DNAJB6: variants seen among roughly 807,000 people sequenced by gnomAD.
DNAJB6 encodes the protein dnaJ homolog subfamily B member 6.
A neutral mutation model predicts 42.7 loss-of-function variants in DNAJB6; 16 were observed. That is an observed-to-expected ratio of 0.37 (90% CI 0.25 to 0.57). DNAJB6 has a LOEUF of 0.57. Among genes scored for constraint, DNAJB6 ranks in the 20% least tolerant of loss-of-function variants. The pLI is 0.74. For synonymous variants in DNAJB6, 170 were observed against 163.5 expected, an observed-to-expected ratio of 1.04 and a Z score of -0.30; for missense variants, 347 against 416.8, an observed-to-expected ratio of 0.83 and a Z score of 1.46.
chr7:157,359,336 T>C (rs1799462538), intron 2 of DNAJB6, among the ~76,000 whole-genome samples: 1 of 152,228 alleles, frequency 6.6e-6, no homozygotes, highest in African/African-American at 2.4e-5. Flanking sequence ...GGTCTGAAGA[T>C]AGAATTAACT....
chr7:157,341,607 A>G (rs894153317), intron 1 of DNAJB6, among the ~76,000 whole-genome samples: 4 of 152,282 alleles, frequency 2.6e-5, no homozygotes, highest in South Asian at 2.1e-4. Flanking sequence ...TCTAGTTGGT[A>G]TGCTTATGAA....
chr7:157,401,153 C>G (rs1200198348), intron 8 of DNAJB6, among the ~76,000 whole-genome samples: 1 of 152,210 alleles, frequency 6.6e-6, no homozygotes, highest in Non-Finnish European at 1.5e-5. Context: ...GCTCCTCCTC[C>G]TGTATCAAAG....
intron 7 of DNAJB6, 93 bp downstream of exon 7, chr7:157,385,101 G>A: frequency 1.5e-6 from 2 of 1,300,410 alleles, no homozygotes; most frequent in Admixed American, 2.3e-5. Flanking sequence ...TGAAGTAGAG[G>A]TTGTTGTATG....
chr7:157,339,601 TTG>T (rs59577692), intron 1 of DNAJB6, among the ~76,000 whole-genome samples: 9,087 of 122,166 alleles, frequency 0.074, 325 homozygotes, highest in South Asian at 0.11. Context: ...GCCCGGCCTT[TTG>T]TGTGTGTGTG....
chr7:157,355,246 G>A (rs185326567), intron 1 of DNAJB6, among the ~76,000 whole-genome samples: 1,581 of 152,292 alleles, frequency 0.01, 22 homozygotes, highest in African/African-American at 0.036. Context: ...TGCAGGCTCC[G>A]CCTCCCGGGG....
At chr7:157,402,121 CGTT>C (rs748796604) in intron 8 of DNAJB6, among the ~76,000 whole-genome samples, 3 of 152,194 alleles carry the variant, frequency 2.0e-5, no homozygotes, top group Non-Finnish European at 4.4e-5. Context: ...GTTTCATCCT[CGTT>C]GTATTTTCTT....
rs1799698656 is a variant in DNAJB6, at chr7:157,363,347, G to C, written c.175+77G>C. 3 of 944,536 alleles carry C rather than the reference G, an allele frequency of 3.2e-6. No individual in the cohort carries two copies. The African/African-American group carries it at 4.9e-5, about 15-fold the overall frequency. The allele number at this position is 944,536 out of a possible 1,614,324, so 58.5% of individuals were successfully genotyped here. On this transcript the variant is annotated intron_variant, in intron 3 of 9. Transcript: ENST00000262177. The stretch of plus-strand genomic sequence containing the variant: ...GAGTGGGTGTTGGGATCCTCCTCAG[G>C]GTAGCACAGTATGGACTCAAGTGAC...
rs115428297 is a variant in DNAJB6, at chr7:157,397,818, A to T, written c.692-11977A>T. On this transcript the variant is annotated intron_variant, in intron 8 of 9. Coordinates refer to ENST00000262177, the MANE Select transcript of DNAJB6 (RefSeq NM_058246.4). ...AATTCAGCTTCTATGTCACGAGCCC[A>T]TCACGTGGCTGGCAAAAGCAAGTCA... Among the ~76,000 whole-genome samples, 135 of 152,312 alleles carry T rather than the reference A, an allele frequency of 8.9e-4. 1 individual carries two copies. Among genetic ancestry groups the T allele is most frequent in the African/African-American group, 2.9e-3 (121 of 41,584 alleles).
At chr7:157,368,729 T>G (rs938062831) in intron 5 of DNAJB6, 3 of 158,870 alleles carry the variant, frequency 1.9e-5, no homozygotes, top group African/African-American at 7.2e-5. Flanking sequence ...AAACATGTAC[T>G]CCTGTAGTTG....
chr7:157,352,767 C>G (rs1035206184), intron 1 of DNAJB6, among the ~76,000 whole-genome samples: 1 of 152,152 alleles, frequency 6.6e-6, no homozygotes, highest in African/African-American at 2.4e-5. Flanking sequence ...AGAGCATCAT[C>G]TGTAAACAAC....
intron 1 of DNAJB6, 145 bp downstream of exon 1, chr7:157,337,289 C>T (rs540776022): frequency 2.0e-5 from 3 of 146,454 alleles, no homozygotes; most frequent in Non-Finnish European, 3.0e-5. Flanking sequence ...GGGCGGGGGC[C>T]GTGGCCGGGG....
At chr7:157,349,421 A>AGGTAATGG (rs1030328312) in intron 1 of DNAJB6, among the ~76,000 whole-genome samples, 6 of 152,158 alleles carry the variant, frequency 3.9e-5, no homozygotes, top group African/African-American at 1.2e-4. Flanking sequence ...ACCTGCCCAA[A>AGGTAATGG]GGTAATGGGA....
chr7:157,340,991 T>TGCGCGC (rs1358438793), intron 1 of DNAJB6, among the ~76,000 whole-genome samples: 353 of 74,214 alleles, frequency 4.8e-3, no homozygotes, highest in African/African-American at 0.015. Flanking sequence ...TGTGTGTGTG[T>TGCGCGC]GTGTGTGCGC....
At chr7:157,353,567 C>T (rs573270739) in intron 1 of DNAJB6, among the ~76,000 whole-genome samples, 5 of 145,240 alleles carry the variant, frequency 3.4e-5, no homozygotes, top group South Asian at 2.2e-4. Context: ...TTGTCTGTCC[C>T]GTTGTTTTTC....
intron 1 of DNAJB6, among the ~76,000 whole-genome samples, chr7:157,339,023 A>G (rs1337754695): frequency 6.6e-6 from 1 of 152,214 alleles, no homozygotes; most frequent in South Asian, 2.1e-4. Flanking sequence ...AGGTTTGGGA[A>G]GTAATTCTGG....
At chr7:157,398,361 C>A (rs1275077358) in intron 8 of DNAJB6, among the ~76,000 whole-genome samples, 1 of 152,140 alleles carries the variant, frequency 6.6e-6, no homozygotes, top group African/African-American at 2.4e-5. Flanking sequence ...TAGCGACTAA[C>A]CCCCCTCTCT....
chr7:157,359,038 T>C (rs1022833604), intron 2 of DNAJB6, among the ~76,000 whole-genome samples: 1 of 152,326 alleles, frequency 6.6e-6, no homozygotes, highest in Middle Eastern at 3.4e-3. Context: ...TCCCTTCTGA[T>C]TCATATGAAA....
intron 6 of DNAJB6, among the ~76,000 whole-genome samples, chr7:157,383,611 TTGTGTG>T (rs57002445): frequency 0.37 from 55,196 of 149,580 alleles, 11,071 homozygotes; most frequent in Middle Eastern, 0.45. Context: ...GTATGTGTGT[TTGTGTG>T]TGTGTGTGTG....
chr7:157,353,071 C>G (rs1030678699), intron 1 of DNAJB6, among the ~76,000 whole-genome samples: 4 of 151,782 alleles, frequency 2.6e-5, no homozygotes, highest in Non-Finnish European at 4.4e-5. Context: ...AGGAATTGCC[C>G]TATCAAATTT....
Sources: gnomAD v4.1 joint callset for allele counts (sites outside exome capture counted in the v4.1 genomes callset) on GRCh38, gnomAD v4.1.1 for gene constraint, MANE v1.5 for transcripts, NCBI Gene and HGNC (gene_info 2026-07-23, HGNC 2026-07-21) for gene names.